NIPBL: variants seen among roughly 807,000 people sequenced by gnomAD.
The protein encoded by NIPBL is NIPBL cohesin loading factor.
NIPBL carries 19 observed loss-of-function variants against 321.8 expected under a neutral mutation model. The observed-to-expected ratio is 0.06, with a 90% CI of 0.04 to 0.09. The LOEUF (loss-of-function observed/expected upper bound fraction) is 0.09. NIPBL is among the 10% of genes least tolerant of loss of function. NIPBL has a pLI of 1.00. For missense variants in NIPBL, 2,210 were observed against 3,327.0 expected, an observed-to-expected ratio of 0.66 and a Z score of 8.26; for synonymous variants, 1,106 against 1,114.1, an observed-to-expected ratio of 0.99 and a Z score of 0.14.
chr5:37,037,392 A>T (rs959903765), intron 33 of NIPBL, among the ~76,000 whole-genome samples: 8 of 145,742 alleles, frequency 5.5e-5, no homozygotes, highest in East Asian at 2.0e-4. Context: ...CGTCTCAAAA[A>T]ATATATATAT....
intron 46 of NIPBL, 114 bp from the exon 47 acceptor site, chr5:37,064,413 T>A (rs1755176060): frequency 3.2e-6 from 5 of 1,556,702 alleles, no homozygotes; most frequent in Middle Eastern, 2.3e-4. Context: ...AATGGAAGTG[T>A]GCCGGGAAAT....
At chr5:37,001,917 G>T (rs1347006113) in intron 14 of NIPBL, among the ~76,000 whole-genome samples, 2 of 152,146 alleles carry the variant, frequency 1.3e-5, no homozygotes, top group Admixed American at 6.6e-5. Flanking sequence ...GAGTATCATT[G>T]TGTTTGCTGA....
At chr5:36,987,491 G>A (rs945051173) in intron 10 of NIPBL, among the ~76,000 whole-genome samples, 1 of 152,188 alleles carries the variant, frequency 6.6e-6, no homozygotes, top group Non-Finnish European at 1.5e-5. Flanking sequence ...TACAAAAAGT[G>A]TGTGGTTATT....
At chr5:36,945,111 A>T (rs558457851) in intron 1 of NIPBL, among the ~76,000 whole-genome samples, 1 of 152,312 alleles carries the variant, frequency 6.6e-6, no homozygotes, top group South Asian at 2.1e-4. Context: ...TTGGGAGTGG[A>T]CTAGGAATCC....
chr5:36,932,281 A>G (rs1580264178), intron 1 of NIPBL, among the ~76,000 whole-genome samples: 2 of 152,152 alleles, frequency 1.3e-5, no homozygotes, highest in Admixed American at 1.3e-4. Flanking sequence ...AGTGTTGCTG[A>G]AGTTTTTTAC....
At chr5:36,942,760 C>T (rs1173682242) in intron 1 of NIPBL, among the ~76,000 whole-genome samples, 1 of 151,652 alleles carries the variant, frequency 6.6e-6, no homozygotes, top group East Asian at 1.9e-4. Context: ...AATTATCCTC[C>T]CTAAAAAGCT....
intron 30 of NIPBL, among the ~76,000 whole-genome samples, chr5:37,025,553 G>A (rs1750166977): frequency 6.6e-6 from 1 of 152,036 alleles, no homozygotes; most frequent in Non-Finnish European, 1.5e-5. Flanking sequence ...TTGGTTCACA[G>A]TTATCAAAAA....
At position 36,885,517 on chromosome 5, in the gene NIPBL, C is replaced by A. The variant is rs1399812866; in HGVS notation, c.-80+8339C>A. 5.8e-6 allele frequency: 3 copies of A among 512,970 alleles called. No individual in the cohort carries two copies. In the Admixed American group the frequency reaches 6.1e-5, roughly 11 times the overall value. 31.8% of individuals were successfully genotyped at this position (512,970 alleles called of 1,614,324 possible). A position where few individuals can be genotyped will look rare whatever the true frequency, so the allele number is the denominator to read the frequency against. Reference sequence around the variant, plus strand: ...GAGTGAGGAGCCTAGAGACCAAGAACCAGAGACTGGAGAGCAACACCCGGG... The same window carrying A: ...GAGTGAGGAGCCTAGAGACCAAGAAACAGAGACTGGAGAGCAACACCCGGG... On this transcript the variant is annotated intron_variant, in intron 1 of 46. Transcript: ENST00000282516.
intron 1 of NIPBL, among the ~76,000 whole-genome samples, chr5:36,878,190 A>G (rs1374293532): frequency 1.3e-5 from 2 of 152,246 alleles, no homozygotes; most frequent in African/African-American, 2.4e-5. Flanking sequence ...AAAAAATTGT[A>G]GAAGGTGCCA....
intron 39 of NIPBL, among the ~76,000 whole-genome samples, 167 bp from the exon 40 acceptor site, chr5:37,048,944 C>A (rs963743517): frequency 2.7e-5 from 4 of 146,804 alleles, no homozygotes; most frequent in Admixed American, 2.1e-4. Context: ...GCCTCTGACA[C>A]AGACACACAC....
At chr5:37,034,144 C>T (rs1472538214) in intron 32 of NIPBL, among the ~76,000 whole-genome samples, 1 of 151,972 alleles carries the variant, frequency 6.6e-6, no homozygotes, top group Non-Finnish European at 1.5e-5. Flanking sequence ...CTGTGTTCAA[C>T]CCCATTAGTA....
At chr5:36,932,711 C>A (rs184446567) in intron 1 of NIPBL, among the ~76,000 whole-genome samples, 82 of 149,622 alleles carry the variant, frequency 5.5e-4, no homozygotes, top group Non-Finnish European at 1.0e-4. Flanking sequence ...TTACTTATGC[C>A]ATTCTTCCTT....
chr5:37,010,669 A>C (rs1748015747), intron 21 of NIPBL, among the ~76,000 whole-genome samples: 1 of 152,124 alleles, frequency 6.6e-6, no homozygotes, highest in South Asian at 2.1e-4. Flanking sequence ...AGCACTAGAC[A>C]TGGTGTTGGA....
intron 20 of NIPBL, 28 bp from the exon 21 acceptor site, chr5:37,010,059 C>G (rs1747925980): frequency 6.5e-7 from 1 of 1,543,400 alleles, no homozygotes; most frequent in South Asian, 1.1e-5. Context: ...TCTTGATACT[C>G]CATACAAATT....
chr5:36,967,071 G>A (rs551406409), intron 6 of NIPBL, among the ~76,000 whole-genome samples: 60 of 152,012 alleles, frequency 3.9e-4, no homozygotes, highest in African/African-American at 1.4e-3. Flanking sequence ...ACAAAGTATT[G>A]ATTTAATATA....
chr5:36,903,291 C>T (rs913379310), intron 1 of NIPBL, among the ~76,000 whole-genome samples: 1 of 152,094 alleles, frequency 6.6e-6, no homozygotes, highest in African/African-American at 2.4e-5. Context: ...CTGGCTAGGG[C>T]TTCTAGTACT....
chr5:36,976,855 G>A (rs998601968), intron 9 of NIPBL, among the ~76,000 whole-genome samples: 4 of 151,988 alleles, frequency 2.6e-5, no homozygotes, highest in African/African-American at 9.7e-5. Context: ...ATTTCACTTG[G>A]TTTATGATCC....
intron 1 of NIPBL, among the ~76,000 whole-genome samples, chr5:36,914,730 G>C (rs536643801): frequency 6.6e-6 from 1 of 152,150 alleles, no homozygotes; most frequent in Admixed American, 6.5e-5. Flanking sequence ...GTGACAAACA[G>C]TGGCTTTCCT....
intron 35 of NIPBL, 56 bp downstream of exon 35, chr5:37,044,543 T>G (rs1579557286): frequency 1.3e-6 from 2 of 1,590,430 alleles, no homozygotes; most frequent in Admixed American, 1.7e-5. Flanking sequence ...TAATGTATTT[T>G]ATTAAAATTT....
Sources: allele counts gnomAD v4.1 joint callset (sites outside exome capture counted in the v4.1 genomes callset), GRCh38; gene constraint gnomAD v4.1.1; transcripts MANE v1.5; gene names NCBI Gene and HGNC (gene_info 2026-07-23, HGNC 2026-07-21).